PLXNA4: variants seen among roughly 807,000 people sequenced by gnomAD.
The protein encoded by PLXNA4 is plexin-A4.
In PLXNA4, 44 loss-of-function variants were observed where a neutral mutation model predicts 191.8. That is an observed-to-expected ratio of 0.23 (90% CI 0.18 to 0.29). PLXNA4 has a LOEUF of 0.29. Among genes scored for constraint, PLXNA4 ranks in the 10% least tolerant of loss-of-function variants. The pLI, the probability that PLXNA4 is intolerant of heterozygous loss-of-function variation, is 1.00. For synonymous variants in PLXNA4, 1,082 were observed against 1,009.5 expected (o/e 1.07, Z -1.36); for missense variants, 1,800 against 2,488.8 (o/e 0.72, Z 5.89).
intron 3 of PLXNA4, among the ~76,000 whole-genome samples, chr7:132,448,829 T>C (rs1231183873): frequency 6.6e-6 from 1 of 152,206 alleles, no homozygotes; most frequent in Non-Finnish European, 1.5e-5. Context: ...CATTTATACA[T>C]AGCCCAGTTC....
At position 132,180,652 on chromosome 7, in the gene PLXNA4, G is replaced by A. The variant is rs889502891; in HGVS notation, c.3573C>T (p.Thr1191=). Residue 1191 remains threonine, a synonymous_variant, in exon 19 of 32, where the codon ACC becomes ACT. Coordinates refer to ENST00000321063, the MANE Select transcript of PLXNA4 (RefSeq NM_020911.2). Reference sequence around the variant, plus strand: ...GCAGCTGGACATCTGACACGGTCACGGTGCACGGCTTCTCCCCAACCAGCA... The same window carrying A: ...GCAGCTGGACATCTGACACGGTCACAGTGCACGGCTTCTCCCCAACCAGCA... The part of the protein sequence containing the change: ...YTVLVGEKPC[T]VTVSDVQLLC... 1.9e-5 allele frequency: 31 copies of A among 1,614,046 alleles called. No homozygotes were observed. The highest frequency in any genetic ancestry group is 3.3e-4 in the Middle Eastern group (2 of 6,084).
At chr7:132,541,191 C>A (rs1026313573) in intron 1 of PLXNA4, among the ~76,000 whole-genome samples, 1 of 152,190 alleles carries the variant, frequency 6.6e-6, no homozygotes, top group East Asian at 1.9e-4. Context: ...GCCATTTCCC[C>A]TAACTTAACA....
chr7:132,646,914 AACAT>A (rs1803880657), intron 1 of PLXNA4, among the ~76,000 whole-genome samples: 1 of 151,522 alleles, frequency 6.6e-6, no homozygotes, highest in Admixed American at 6.6e-5. Context: ...CACGTACACC[AACAT>A]ACACACACAT....
intron 31 of PLXNA4, among the ~76,000 whole-genome samples, chr7:132,132,664 C>T (rs1037969300): frequency 1.3e-5 from 2 of 151,860 alleles, no homozygotes; most frequent in Non-Finnish European, 2.9e-5. Flanking sequence ...TACAACATAC[C>T]ATATCATACC....
chr7:132,337,733 G>A (rs960865960), intron 3 of PLXNA4, among the ~76,000 whole-genome samples: 8 of 152,338 alleles, frequency 5.3e-5, no homozygotes, highest in African/African-American at 1.9e-4. Flanking sequence ...CAAAAAAAGA[G>A]CAGGGCATAA....
intron 31 of PLXNA4, among the ~76,000 whole-genome samples, chr7:132,132,780 GGA>G (rs1393728661): frequency 1.3e-5 from 2 of 152,100 alleles, no homozygotes; most frequent in Non-Finnish European, 2.9e-5. Flanking sequence ...AAGAAATACA[GGA>G]GAGAAAATAA....
chr7:132,593,022 T>C (rs1203550858), intron 2 of PLXNA4, among the ~76,000 whole-genome samples: 2 of 152,236 alleles, frequency 1.3e-5, no homozygotes, highest in East Asian at 1.9e-4. Context: ...ACCCAACCTA[T>C]GTTTACAGTG....
rs375590685 is a variant in PLXNA4 at position 132,164,335 on chromosome 7, A to G, written c.4354-47T>C. The G allele has an allele frequency of 3.4e-5, 55 of 1,603,936 alleles. No individual in the cohort carries two copies. The African/African-American group carries it at 5.5e-4, about 16-fold the overall frequency. ...TTAGGAGGAGCTCTTGGAACACTGGAGTGTACCCCCAGTCCCTGCTTCTCC... is the reference window on the plus strand; with the variant it reads ...TTAGGAGGAGCTCTTGGAACACTGGGGTGTACCCCCAGTCCCTGCTTCTCC... On this transcript the variant is annotated intron_variant, in intron 23 of 31. Transcript: ENST00000321063.
intron 1 of PLXNA4, among the ~76,000 whole-genome samples, chr7:132,571,410 G>C (rs1385314178): frequency 6.6e-6 from 1 of 152,208 alleles, no homozygotes; most frequent in Non-Finnish European, 1.5e-5. Flanking sequence ...ATGAGTCTCT[G>C]CTGCAACCAC....
intron 2 of PLXNA4, among the ~76,000 whole-genome samples, chr7:132,627,422 G>T (rs1803401007): frequency 6.6e-6 from 1 of 152,016 alleles, no homozygotes; most frequent in Non-Finnish European, 1.5e-5. Flanking sequence ...CTGATCCATG[G>T]TGTATACTAT....
At chr7:132,231,022 A>T (rs990906119) in intron 5 of PLXNA4, among the ~76,000 whole-genome samples, 3 of 152,186 alleles carry the variant, frequency 2.0e-5, no homozygotes, top group Non-Finnish European at 2.9e-5. Context: ...CTGCTTCCAA[A>T]GTTCATGGGG....
intron 4 of PLXNA4, among the ~76,000 whole-genome samples, chr7:132,258,059 C>T (rs1361919953): frequency 1.3e-5 from 2 of 152,238 alleles, no homozygotes; most frequent in East Asian, 1.9e-4. Flanking sequence ...AGCTCCACCC[C>T]GTAGGGCCCA....
chr7:132,377,712 T>C (rs1177774804), intron 3 of PLXNA4, among the ~76,000 whole-genome samples: 2 of 152,166 alleles, frequency 1.3e-5, no homozygotes, highest in Non-Finnish European at 2.9e-5. Context: ...ACTCAGTAGA[T>C]AGGTTCTGCT....
rs1797337760 is a variant in PLXNA4 at position 132,481,564 on chromosome 7, G to A, written c.1371+7728C>T. ...ATGTGACAATCAATGTAAGTAACAT[G>A]TGAAAACATCTAGAACAATCCTGGT... On this transcript the variant is annotated intron_variant, in intron 3 of 31. Transcript: ENST00000321063. Among the ~76,000 whole-genome samples the A allele has an allele frequency of 2.6e-5, 4 of 152,148 alleles. No individual in the cohort carries two copies. The South Asian group carries it at 8.3e-4, about 32-fold the overall frequency.
intron 1 of PLXNA4, among the ~76,000 whole-genome samples, chr7:132,537,330 G>C (rs547906530): frequency 6.6e-6 from 1 of 152,208 alleles, no homozygotes; most frequent in Non-Finnish European, 1.5e-5. Context: ...GGCTGTGTCT[G>C]GCACCTACCA....
In PLXNA4 at chr7:132,596,405, CCTGGTCCTG is replaced by C. The variant is rs1802711235; in HGVS notation, c.-87+49514_-87+49522del. On this transcript the variant is annotated intron_variant, in intron 2 of 4. Transcript: ENST00000378539. ...TCCACTATGACAGAGCCACTGAATG[CCTGGTCCTG>C]CCAAGCCACAGCCCCAGGACGCTGG... Among the ~76,000 whole-genome samples, 5 of 152,344 alleles carry C rather than the reference CCTGGTCCTG, an allele frequency of 3.3e-5. No individual in the cohort carries two copies. The South Asian group carries it at 1.0e-3, about 32-fold the overall frequency.
chr7:132,181,656 A>C (rs1011716095), intron 17 of PLXNA4, 36 bp from the exon 18 acceptor site: 5 of 1,608,584 alleles, frequency 3.1e-6, no homozygotes, highest in Non-Finnish European at 3.4e-6. Flanking sequence ...TCTATGCAGT[A>C]TCTCCACATA....
intron 30 of PLXNA4, among the ~76,000 whole-genome samples, chr7:132,133,729 G>C (rs1275810694): frequency 1.3e-5 from 2 of 152,172 alleles, no homozygotes; most frequent in African/African-American, 4.8e-5. Context: ...GTGCACTGCT[G>C]TCAACTGGTT....
intron 3 of PLXNA4, among the ~76,000 whole-genome samples, chr7:132,469,878 G>T (rs1474255410): frequency 1.3e-5 from 2 of 152,236 alleles, no homozygotes; most frequent in African/African-American, 2.4e-5. Context: ...AGCCTGGTCA[G>T]TCACAGTTTC....
Sources: gnomAD v4.1 joint callset for allele counts (sites outside exome capture counted in the v4.1 genomes callset) on GRCh38, gnomAD v4.1.1 for gene constraint, MANE v1.5 for transcripts, NCBI Gene and HGNC (gene_info 2026-07-23, HGNC 2026-07-21) for gene names.